Variants in TSC2 observed in about 807,000 individuals in gnomAD.
TSC2 encodes the protein tuberin.
A neutral mutation model predicts 202.2 loss-of-function variants in TSC2; 29 were observed. The ratio of observed to expected loss-of-function variants is 0.14; its 90% CI spans 0.11 to 0.20. The LOEUF is 0.20. Among genes scored for constraint, TSC2 ranks in the 10% least tolerant of loss-of-function variants. TSC2 has a pLI of 1.00. For missense variants in TSC2, 2,429 were observed against 2,420.0 expected, an observed-to-expected ratio of 1.00 and a Z score of -0.08; for synonymous variants, 1,349 against 1,044.0, an observed-to-expected ratio of 1.29 and a Z score of -5.63.
chr16:2,055,950 G>A (rs576668711), intron 6 of TSC2: 1 of 602,880 alleles, frequency 1.7e-6, no homozygotes, highest in Non-Finnish European at 3.0e-6. Context: ...CTCATCTGAT[G>A]TCTTGGTTAT....
rs999699219 is a variant in TSC2, at chr16:2,084,685, A to G, written c.4463A>G (p.Asn1488Ser). The G allele has an allele frequency of 2.5e-6, 4 of 1,598,472 alleles. No individual in the cohort carries two copies. Among genetic ancestry groups the G allele is most frequent in the African/African-American group, 1.3e-5 (1 of 75,012 alleles). ...TTAAAGAGCAGAGCCACAGCCTCCAATGCAGAGAAAGTGCCAGGCATCAAC... is the reference window on the plus strand; with the variant it reads ...TTAAAGAGCAGAGCCACAGCCTCCAGTGCAGAGAAAGTGCCAGGCATCAAC... ...DALKSRATAS[N>S]AEKVPGINPS... Residue 1488 changes from asparagine to serine, a missense_variant, in exon 34 of 42, where the codon AAT becomes AGT. Physicochemically the swap from Asn to Ser is conservative, Grantham distance 46. Transcript: ENST00000219476.
chr16:2,087,982 C>T (rs2151616590), intron 39 of TSC2, 41 bp downstream of exon 39: 1 of 1,612,650 alleles, frequency 6.2e-7, no homozygotes, highest in Non-Finnish European at 8.5e-7. Context: ...AAAGGTAGGG[C>T]CGGGTGGGGC....
At chr16:2,081,952 G>A in intron 31 of TSC2, 154 bp downstream of exon 31, 2 of 1,125,652 alleles carry the variant, frequency 1.8e-6, no homozygotes, top group South Asian at 2.7e-5. Context: ...TGTTTGGGAG[G>A]AGGCTGACCC....
Position 2,059,047 on chromosome 16 carries a change from C to CTT in TSC2, c.975+187_975+188dup, listed in dbSNP as rs10592762. 0.43 allele frequency among the ~76,000 whole-genome samples: 61,162 copies of CTT among 142,432 alleles called. 14,774 individuals carry two copies. Among genetic ancestry groups the CTT allele is most frequent in the East Asian group, 0.8 (3,904 of 4,872 alleles). The allele number at this position is 142,432 out of a possible 152,430, so 93.4% of individuals were successfully genotyped here. A position where few individuals can be genotyped will look rare whatever the true frequency, so the allele number is the denominator to read the frequency against. On this transcript the variant is annotated intron_variant, in intron 10 of 41. Coordinates refer to ENST00000219476, the MANE Select transcript of TSC2 (RefSeq NM_000548.5). ...TTTGGGGCCCTTTGTAGGCTTTAGT[C>CTT]TTTTTTTTTTTTTTGAGAAGGAGTT...
At position 2,074,301 on chromosome 16, in the gene TSC2, C is replaced by T. The variant is rs753410949; in HGVS notation, c.2457C>T (p.Ile819=). Residue 819 remains isoleucine (I), a synonymous_variant, in exon 22 of 42, where the codon ATC becomes ATT. Transcript: ENST00000219476. ...SICSVEMPDI[I]IKALPVLVVK... Reference sequence around the variant, plus strand: ...GCAGCGTGGAGATGCCTGACATCATCATCAAGGCGCTGCCTGTTCTGGTGG... The same window carrying T: ...GCAGCGTGGAGATGCCTGACATCATTATCAAGGCGCTGCCTGTTCTGGTGG... The T allele has an allele frequency of 2.1e-5, 34 of 1,613,114 alleles. No individual in the cohort carries two copies. The highest frequency in any genetic ancestry group is 5.0e-5 in the Admixed American group (3 of 60,012).
rs1193769778 is a variant in TSC2 at position 2,074,396 on chromosome 16, C to T, written c.2545+7C>T. On this transcript the variant is annotated splice_region_variant and intron_variant, in intron 22 of 41. Transcript: ENST00000219476. ...CTGCTGGAGTTCCTGTCCAGTGAGT[C>T]CCCGCCCTGCCTGCGCATGCACCCG... 4 of 1,608,776 alleles carry T rather than the reference C, an allele frequency of 2.5e-6. No individual in the cohort carries two copies. The highest frequency in any genetic ancestry group is 3.4e-6 in the Non-Finnish European group (4 of 1,179,992).
At chr16:2,087,488 G>T (rs1049837830) in intron 38 of TSC2, among the ~76,000 whole-genome samples, 12 of 84,784 alleles carry the variant, frequency 1.4e-4, no homozygotes, top group East Asian at 5.9e-4. Context: ...AACCAGTTGG[G>T]GGGGGGGGGG....
chr16:2,048,816 C>T (rs995435589), intron 2 of TSC2, 63 bp downstream of exon 2: 23 of 1,610,860 alleles, frequency 1.4e-5, no homozygotes, highest in Middle Eastern at 1.8e-4. Flanking sequence ...TGGGTTTGGT[C>T]TTGCACCAGG....
chr16:2,087,597 C>G (rs925568530), intron 38 of TSC2, among the ~76,000 whole-genome samples: 7 of 152,074 alleles, frequency 4.6e-5, no homozygotes, highest in Admixed American at 4.6e-4. Context: ...TGCAGACACC[C>G]TGGGGGCCCC....
At chr16:2,085,454 C>T (rs920346769) in intron 36 of TSC2, 132 bp downstream of exon 36, 2 of 979,632 alleles carry the variant, frequency 2.0e-6, no homozygotes, top group African/African-American at 1.6e-5. Context: ...ATGAAGTGCT[C>T]ATTGAGCTCT....
In TSC2 at chr16:2,056,497, C is replaced by A. The variant is rs1413587693; in HGVS notation, c.649-147C>A. Reference sequence around the variant, plus strand: ...ACGTCAGGTGCTTCCCACATGCCCGCTTGCCCTGTGGCTTGGAGAGAGGGT... The same window carrying A: ...ACGTCAGGTGCTTCCCACATGCCCGATTGCCCTGTGGCTTGGAGAGAGGGT... On this transcript the variant is annotated intron_variant, in intron 7 of 41. Transcript: ENST00000219476. The A allele has an allele frequency of 2.3e-6, 3 of 1,292,822 alleles. No individual in the cohort carries two copies. In the East Asian group the frequency reaches 7.5e-5, roughly 32 times the overall value. The allele number at this position is 1,292,822 out of a possible 1,614,324, so 80.1% of individuals were successfully genotyped here. A position where few individuals can be genotyped will look rare whatever the true frequency, so the allele number is the denominator to read the frequency against.
In TSC2 at chr16:2,076,130, G is replaced by A. The variant is rs1273957629; in HGVS notation, c.2702G>A (p.Arg901His). 6.2e-6 allele frequency: 10 copies of A among 1,613,724 alleles called. No homozygotes were observed. Among genetic ancestry groups the A allele is most frequent in the African/African-American group, 1.3e-5 (1 of 74,900 alleles). The change falls in exon 24 of 42, where the codon CGC (arginine) becomes CAC (histidine). Residue 901 changes from arginine to histidine, a missense_variant. Transcript: ENST00000219476. Reference sequence around the variant, plus strand: ...ATAGCCATGTGGTTCATCAGGTGCCGCCTGCCCTTCCGGAAGGATTTTGTC... The same window carrying A: ...ATAGCCATGTGGTTCATCAGGTGCCACCTGCCCTTCCGGAAGGATTTTGTC... ...HVIAMWFIRC[R>H]LPFRKDFVPF...
rs565822976 is a variant in TSC2 at position 2,055,658 on chromosome 16, C to T, written c.599+139C>T. 1.8e-3 allele frequency: 1,435 copies of T among 815,048 alleles called. 4 individuals are homozygous for T. Among genetic ancestry groups the T allele is most frequent in the African/African-American group, 3.1e-3 (184 of 59,454 alleles). 50.5% of individuals were successfully genotyped at this position (815,048 alleles called of 1,614,324 possible). A position where few individuals can be genotyped will look rare whatever the true frequency, so the allele number is the denominator to read the frequency against. On this transcript the variant is annotated intron_variant, in intron 6 of 41. Transcript: ENST00000219476. ...CTGTAATCTCAGCACTTTGGGAGGC[C>T]GAGGCAGGCGGATCACGAGGTCAGG... is the stretch of plus-strand genomic sequence containing the variant.
chr16:2,055,183 CA>C, intron 5 of TSC2: 1 of 631,364 alleles, frequency 1.6e-6, no homozygotes, highest in East Asian at 2.8e-5. Context: ...TGTGCAGCCC[CA>C]GGGGCGGTAG....
At position 2,081,689 on chromosome 16, in the gene TSC2, C is replaced by T. The variant is rs1386839308; in HGVS notation, c.3705C>T (p.Leu1235=). 1.6e-5 allele frequency: 26 copies of T among 1,612,972 alleles called. No individual in the cohort carries two copies. The highest frequency in any genetic ancestry group is 2.1e-5 in the Non-Finnish European group (25 of 1,180,018). ...NMPLQELSNA[L]MAAERFKEHR... ...CCCTGCAGGAGCTGTCTAACGCCCT[C>T]ATGGCGGCTGAGCGCTTCAAGGAGC... is the stretch of plus-strand genomic sequence containing the variant. The change falls in exon 31 of 42, where the codon CTC becomes CTT. Residue 1235 remains leucine (L), a synonymous_variant. Transcript: ENST00000219476.
chr16:2,055,264 T>C (rs2085629339), intron 5 of TSC2, 138 bp from the exon 6 acceptor site: 2 of 771,796 alleles, frequency 2.6e-6, no homozygotes, highest in South Asian at 1.4e-5. Context: ...GTGCGTGGTC[T>C]GTCTGTTGCT....
intron 36 of TSC2, among the ~76,000 whole-genome samples, chr16:2,085,647 A>G (rs1418126394): frequency 2.6e-5 from 4 of 152,138 alleles, no homozygotes; most frequent in East Asian, 1.9e-4. Context: ...GGGAGCCTGC[A>G]TAAGGGGTGG....
At chr16:2,063,681 C>T (rs1450798756) in intron 14 of TSC2, 1 of 223,630 alleles carries the variant, frequency 4.5e-6, no homozygotes, top group East Asian at 1.1e-4. Context: ...CTTGAATTGC[C>T]CTTTGCTGGG....
chr16:2,054,138 CA>C, intron 4 of TSC2, 157 bp from the exon 5 acceptor site: 1 of 1,195,310 alleles, frequency 8.4e-7, no homozygotes, highest in Non-Finnish European at 1.2e-6. Context: ...CTGCCCTGTA[CA>C]ATGCTGATGC....
Sources: gnomAD v4.1 joint callset for allele counts (sites outside exome capture counted in the v4.1 genomes callset) on GRCh38, gnomAD v4.1.1 for gene constraint, MANE v1.5 for transcripts, NCBI Gene and HGNC (gene_info 2026-07-23, HGNC 2026-07-21) for gene names.